DAB1: variants seen among roughly 807,000 people sequenced by gnomAD.
DAB1 encodes the protein disabled homolog 1.
A neutral mutation model predicts 64.6 loss-of-function variants in DAB1; 15 were observed. The observed-to-expected ratio is 0.23, with a 90% CI of 0.16 to 0.36. DAB1 has a LOEUF of 0.36. Among genes scored for constraint, DAB1 ranks in the 10% least tolerant of loss-of-function variants. The probability of loss-of-function intolerance (pLI) is 1.00; values close to 1 mark genes in which losing one functional copy is unlikely to be tolerated. For synonymous variants in DAB1, 235 were observed against 251.9 expected, an observed-to-expected ratio of 0.93 and a Z score of 0.64; for missense variants, 596 against 706.7, an observed-to-expected ratio of 0.84 and a Z score of 1.78.
chr1:57,274,947 C>T (rs1459748177), intron 2 of DAB1, among the ~76,000 whole-genome samples: 1 of 150,492 alleles, frequency 6.6e-6, no homozygotes, highest in Non-Finnish European at 1.5e-5. Context: ...TTGTCTTATG[C>T]AAGTTTCCTC....
intron 3 of DAB1, among the ~76,000 whole-genome samples, chr1:58,437,892 T>C (rs1644962939): frequency 6.6e-6 from 1 of 152,152 alleles, no homozygotes; most frequent in South Asian, 2.1e-4. Flanking sequence ...CTCCACGTCC[T>C]AGGTGGAGAC....
chr1:58,534,389 C>CT, intron 1 of DAB1: 1 of 730,742 alleles, frequency 1.4e-6, no homozygotes, highest in Non-Finnish European at 2.3e-6. Context: ...GCTTACTCTG[C>CT]TTCATGGAAA....
intron 5 of DAB1, among the ~76,000 whole-genome samples, chr1:58,026,881 T>C (rs1397195878): frequency 1.3e-5 from 2 of 152,248 alleles, no homozygotes; most frequent in Non-Finnish European, 2.9e-5. Flanking sequence ...TGCCTGCACC[T>C]GTCCAGGGAA....
Position 57,053,688 on chromosome 1 carries a change from A to ATTTTTT in DAB1, c.723+9190_723+9195dup, listed in dbSNP as rs61374333. On this transcript the variant is annotated intron_variant, in intron 9 of 14. Coordinates refer to ENST00000371236, the MANE Select transcript of DAB1 (RefSeq NM_001365792.1). ...TATGTATATATATATATATATATATATTTTTTTTTTTTTTTTTGAGACGGA... is the reference window on the plus strand; with the variant it reads ...TATGTATATATATATATATATATATATTTTTTTTTTTTTTTTTTTTTTTGAGACGGA... Among the ~76,000 whole-genome samples the ATTTTTT allele has an allele frequency of 9.4e-4, 67 of 71,404 alleles. 2 individuals carry two copies. The highest frequency in any genetic ancestry group is 9.7e-4 in the Non-Finnish European group (38 of 39,198). 46.8% of individuals were successfully genotyped at this position (71,404 alleles called of 152,430 possible). A position where few individuals can be genotyped will look rare whatever the true frequency, so the allele number is the denominator to read the frequency against.
chr1:57,295,229 C>T (rs868539310), intron 1 of DAB1, among the ~76,000 whole-genome samples: 1 of 152,064 alleles, frequency 6.6e-6, no homozygotes, highest in Non-Finnish European at 1.5e-5. Flanking sequence ...TGAATTTCAC[C>T]AGAATTAGGA....
intron 6 of DAB1, among the ~76,000 whole-genome samples, chr1:57,703,867 TG>T (rs1266765227): frequency 5.3e-5 from 8 of 152,032 alleles, no homozygotes; most frequent in African/African-American, 1.9e-4. Flanking sequence ...AAGAAAAGAA[TG>T]AGATCATGTC....
intron 4 of DAB1, among the ~76,000 whole-genome samples, chr1:58,261,252 AAAAT>A (rs1163227952): frequency 2.6e-5 from 4 of 152,214 alleles, no homozygotes; most frequent in African/African-American, 9.6e-5. Flanking sequence ...GAAAAAATAA[AAAAT>A]AAATAACAGT....
At chr1:58,497,279 G>A (rs935040879) in intron 3 of DAB1, among the ~76,000 whole-genome samples, 5 of 152,108 alleles carry the variant, frequency 3.3e-5, no homozygotes, top group African/African-American at 1.2e-4. Flanking sequence ...CTTTAGGGAC[G>A]TAAGGACCAA....
At chr1:57,772,483 C>G (rs1649605075) in intron 6 of DAB1, among the ~76,000 whole-genome samples, 1 of 152,094 alleles carries the variant, frequency 6.6e-6, no homozygotes, top group Non-Finnish European at 1.5e-5. Context: ...CTGCTGTGAA[C>G]ATTCATGTGC....
At chr1:57,670,381 C>T (rs994023754) in intron 6 of DAB1, among the ~76,000 whole-genome samples, 5 of 152,042 alleles carry the variant, frequency 3.3e-5, no homozygotes, top group Admixed American at 3.3e-4. Context: ...GCAGAGCCAC[C>T]ATCTCAGCCC....
intron 2 of DAB1, among the ~76,000 whole-genome samples, chr1:57,202,188 A>G (rs1462144854): frequency 1.3e-5 from 2 of 152,216 alleles, no homozygotes; most frequent in Non-Finnish European, 2.9e-5. Flanking sequence ...GATGAATTTG[A>G]AAGGCAGATT....
At chr1:58,149,365 G>A (rs1654792864) in intron 5 of DAB1, among the ~76,000 whole-genome samples, 1 of 152,130 alleles carries the variant, frequency 6.6e-6, no homozygotes, top group South Asian at 2.1e-4. Context: ...ATGGAAAGAA[G>A]GAAAGACTTT....
chr1:58,487,746 A>G (rs1645600460), intron 3 of DAB1, among the ~76,000 whole-genome samples: 1 of 152,118 alleles, frequency 6.6e-6, no homozygotes. Flanking sequence ...TTCTAGCTAT[A>G]ATTTCTACTC....
At chr1:57,750,555 T>G (rs1218341167) in intron 6 of DAB1, among the ~76,000 whole-genome samples, 1 of 152,178 alleles carries the variant, frequency 6.6e-6, no homozygotes, top group Non-Finnish European at 1.5e-5. Context: ...TGTTAAAAGG[T>G]CTATCCCAGT....
At chr1:58,162,161 G>T (rs1195055918) in intron 4 of DAB1, among the ~76,000 whole-genome samples, 1 of 152,106 alleles carries the variant, frequency 6.6e-6, no homozygotes, top group Non-Finnish European at 1.5e-5. Context: ...GCCTTGACAG[G>T]CAGATCTTGC....
chr1:57,943,747 A>G lies in DAB1; in HGVS notation n.388-59585T>C, dbSNP rs144026550. On this transcript the variant is annotated intron_variant and non_coding_transcript_variant, in intron 5 of 20. Transcript: ENST00000485760. ...ACATGAGAAAGCCAAGAGCAGTTTT[A>G]TGTTACGTAATTACCTAAATCACCC... Among the ~76,000 whole-genome samples, 666 of 152,230 alleles carry G rather than the reference A, an allele frequency of 4.4e-3. 3 individuals carry two copies. The highest frequency in any genetic ancestry group is 7.6e-3 in the Non-Finnish European group (517 of 68,016).
chr1:57,765,214 G>C (rs36085861), intron 6 of DAB1, among the ~76,000 whole-genome samples: 7,392 of 152,128 alleles, frequency 0.049, 260 homozygotes, highest in South Asian at 0.077. Flanking sequence ...TTTTAAACAC[G>C]CTATGTTTTG....
intron 6 of DAB1, among the ~76,000 whole-genome samples, chr1:57,718,781 A>G (rs1170918147): frequency 6.6e-6 from 1 of 152,180 alleles, no homozygotes; most frequent in Non-Finnish European, 1.5e-5. Flanking sequence ...AAATCTCCCA[A>G]ATTTTTTATA....
intron 3 of DAB1, among the ~76,000 whole-genome samples, chr1:58,352,783 G>A (rs1325104200): frequency 6.6e-6 from 1 of 152,112 alleles, no homozygotes; most frequent in East Asian, 1.9e-4. Flanking sequence ...ATGAGATCAT[G>A]GGAATGAAGC....
Sources: allele counts gnomAD v4.1 joint callset (sites outside exome capture counted in the v4.1 genomes callset), GRCh38; gene constraint gnomAD v4.1.1; transcripts MANE v1.5; gene names NCBI Gene and HGNC (gene_info 2026-07-23, HGNC 2026-07-21).